EYS: variants seen among roughly 807,000 people sequenced by gnomAD.
EYS encodes the protein EGF-like photoreceptor maintenance factor.
A neutral mutation model predicts 282.1 loss-of-function variants in EYS; 250 were observed. The ratio of observed to expected loss-of-function variants is 0.89; its 90% confidence interval spans 0.80 to 0.98. The LOEUF is 0.98. EYS is among the 50% of genes least tolerant of loss of function. The pLI is 0.00. For synonymous variants in EYS, 1,355 were observed against 1,282.9 expected, an observed-to-expected ratio of 1.06 and a Z score of -1.20; for missense variants, 4,016 against 3,709.0, an observed-to-expected ratio of 1.08 and a Z score of -2.15.
chr6:64,957,216 A>G (rs1214390380), intron 14 of EYS, among the ~76,000 whole-genome samples: 1 of 152,192 alleles, frequency 6.6e-6, no homozygotes, highest in Non-Finnish European at 1.5e-5. Context: ...TGCAGTACAC[A>G]TGCACAATGG....
In EYS at chr6:65,353,500, C is replaced by A. The variant is rs145681073; in HGVS notation, c.1417G>T (p.Gly473Cys). ...VTFHGICQDK[G>C]PAQFEYVWQL... Reference sequence around the variant, plus strand: ...CACACATATTCAAATTGAGCAGGACCTTTATCTTGGCAAATACCATGGAAG... The same window carrying A: ...CACACATATTCAAATTGAGCAGGACATTTATCTTGGCAAATACCATGGAAG... Residue 473 changes from glycine (G) to cysteine (C), a missense_variant, in exon 9 of 43, where the codon GGT (glycine) becomes TGT (cysteine). Physicochemically the swap from Gly to Cys is radical, Grantham distance 159. Transcript: ENST00000503581. 7.4e-6 allele frequency: 12 copies of A among 1,613,190 alleles called. No individual in the cohort carries two copies. Among genetic ancestry groups the A allele is most frequent in the South Asian group, 3.3e-5 (3 of 91,058 alleles).
chr6:63,886,875 A>T (rs1236089540), intron 35 of EYS, among the ~76,000 whole-genome samples: 1 of 152,218 alleles, frequency 6.6e-6, no homozygotes, highest in African/African-American at 2.4e-5. Flanking sequence ...CATGGAAGGA[A>T]ACTGGCCCTG....
intron 26 of EYS, among the ~76,000 whole-genome samples, chr6:64,587,912 A>C (rs993913801): frequency 2.6e-5 from 4 of 152,054 alleles, no homozygotes; most frequent in Non-Finnish European, 5.9e-5. Context: ...CAAGGTGTAA[A>C]AGTAATTTCA....
At chr6:65,571,836 G>A (rs1764486889) in intron 2 of EYS, among the ~76,000 whole-genome samples, 1 of 151,844 alleles carries the variant, frequency 6.6e-6, no homozygotes, top group Non-Finnish European at 1.5e-5. Flanking sequence ...ATATGTTTAT[G>A]GATATAGGGT....
At chr6:64,434,844 C>A (rs960954563) in intron 28 of EYS, among the ~76,000 whole-genome samples, 2 of 151,946 alleles carry the variant, frequency 1.3e-5, no homozygotes, top group African/African-American at 4.8e-5. Flanking sequence ...TTTTTTTACT[C>A]TTTTTCAGCC....
At chr6:64,500,996 A>G (rs1777021164) in intron 26 of EYS, among the ~76,000 whole-genome samples, 1 of 146,184 alleles carries the variant, frequency 6.8e-6, no homozygotes, top group Non-Finnish European at 1.5e-5. Flanking sequence ...TGAGGTTTTT[A>G]GGTACATTCT....
At chr6:64,861,271 G>A (rs1212907544) in intron 19 of EYS, among the ~76,000 whole-genome samples, 1 of 152,234 alleles carries the variant, frequency 6.6e-6, no homozygotes, top group Non-Finnish European at 1.5e-5. Context: ...TGGCATGTCA[G>A]TGCTCCCCTG....
At chr6:64,797,097 G>A (rs1276810377) in intron 22 of EYS, among the ~76,000 whole-genome samples, 4 of 152,016 alleles carry the variant, frequency 2.6e-5, no homozygotes, top group Non-Finnish European at 5.9e-5. Context: ...AATTCTAATC[G>A]GGTTAATCAA....
chr6:65,260,785 A>G (rs773310109), intron 12 of EYS, among the ~76,000 whole-genome samples: 10 of 152,104 alleles, frequency 6.6e-5, no homozygotes, highest in Non-Finnish European at 1.5e-4. Context: ...AAAGCACAAA[A>G]AAACACGAGG....
At chr6:64,328,102 A>C (rs61435901) in intron 29 of EYS, among the ~76,000 whole-genome samples, 4,739 of 152,238 alleles carry the variant, frequency 0.031, 233 homozygotes, top group African/African-American at 0.11. Flanking sequence ...TGATCTCTTA[A>C]ATTGGAGACA....
chr6:65,698,840 C>G (rs1769551466), intron 1 of EYS, among the ~76,000 whole-genome samples: 1 of 152,114 alleles, frequency 6.6e-6, no homozygotes, highest in Admixed American at 6.5e-5. Flanking sequence ...CCACAGAAAC[C>G]ATTAAACATG....
chr6:65,121,105 G>T (rs1490170026), intron 12 of EYS, among the ~76,000 whole-genome samples: 1 of 151,918 alleles, frequency 6.6e-6, no homozygotes, highest in Admixed American at 6.6e-5. Flanking sequence ...GTCATTCTTG[G>T]TGGGGAGCAG....
chr6:64,997,217 G>A (rs1771293563), intron 14 of EYS, among the ~76,000 whole-genome samples: 1 of 152,166 alleles, frequency 6.6e-6, no homozygotes, highest in African/African-American at 2.4e-5. Context: ...TGAAATACAT[G>A]TGTGAATGTA....
rs2149831943 is a variant in EYS, at chr6:64,591,228, C to A, written c.4639G>T (p.Asp1547Tyr). The A allele has an allele frequency of 6.4e-7, 1 of 1,551,402 alleles. No individual in the cohort carries two copies. The highest frequency in any genetic ancestry group is 1.2e-5 in the South Asian group (1 of 84,058). ...RLTNIKSQAA[D>Y]SLRELSQTCA... The stretch of plus-strand genomic sequence containing the variant: ...GTTTGGCTTAATTCTCTTAAAGAAT[C>A]AGCAGCCTGTGATTTGATGTTTGTG... Residue 1547 changes from aspartate to tyrosine, a missense_variant, in exon 26 of 43, where the codon GAT becomes TAT. Asp to Tyr is a radical substitution (Grantham distance 160). Coordinates refer to ENST00000503581, the MANE Select transcript of EYS (RefSeq NM_001142800.2).
Position 65,517,335 on chromosome 6 carries a change from C to CAA in EYS, c.-332-21344_-332-21343dup, listed in dbSNP as rs373098088. 8.6e-3 allele frequency among the ~76,000 whole-genome samples: 961 copies of CAA among 111,772 alleles called. 17 individuals are homozygous for CAA. Among genetic ancestry groups the CAA allele is most frequent in the East Asian group, 0.061 (216 of 3,558 alleles). The allele number at this position is 111,772 out of a possible 152,430, so 73.3% of individuals were successfully genotyped here. A position where few individuals can be genotyped will look rare whatever the true frequency, so the allele number is the denominator to read the frequency against. ...ATTTTGGAATCTGTTTTTTTCAAAACAACAACAAAAAAAAAACAAAAGCTC... is the reference window on the plus strand; with the variant it reads ...ATTTTGGAATCTGTTTTTTTCAAAACAAAACAACAAAAAAAAAACAAAAGCTC... On this transcript the variant is annotated intron_variant, in intron 2 of 42. Coordinates refer to ENST00000503581, the MANE Select transcript of EYS (RefSeq NM_001142800.2).
intron 35 of EYS, among the ~76,000 whole-genome samples, chr6:63,946,876 A>G (rs1475122537): frequency 6.6e-6 from 1 of 151,994 alleles, no homozygotes; most frequent in Non-Finnish European, 1.5e-5. Flanking sequence ...GCTTGGGGTG[A>G]TGAATATCCC....
chr6:65,563,978 A>G (rs932465582), intron 2 of EYS, among the ~76,000 whole-genome samples: 12 of 152,026 alleles, frequency 7.9e-5, no homozygotes, highest in African/African-American at 2.9e-4. Flanking sequence ...AATCTTATAC[A>G]CCAATAATAG....
chr6:65,277,813 T>C (rs1582092910), intron 12 of EYS, among the ~76,000 whole-genome samples: 1 of 152,136 alleles, frequency 6.6e-6, no homozygotes, highest in East Asian at 1.9e-4. Flanking sequence ...GACCTAGCTA[T>C]TGTCTTCATT....
intron 26 of EYS, among the ~76,000 whole-genome samples, chr6:64,543,515 A>G (rs1296881253): frequency 6.6e-6 from 1 of 152,100 alleles, no homozygotes; most frequent in Non-Finnish European, 1.5e-5. Context: ...GTGGTATTAT[A>G]AATTTGGATT....
Sources: gnomAD v4.1 joint callset for allele counts (sites outside exome capture counted in the v4.1 genomes callset) on GRCh38, gnomAD v4.1.1 for gene constraint, MANE v1.5 for transcripts, NCBI Gene and HGNC (gene_info 2026-07-23, HGNC 2026-07-21) for gene names.